HHIPL1: variants seen among roughly 807,000 people sequenced by gnomAD.
The protein encoded by HHIPL1 is HHIP like 1, also known as HHIP-like protein 1.
A neutral mutation model predicts 61.8 loss-of-function variants in HHIPL1; 43 were observed. The observed-to-expected ratio is 0.70, with a 90% CI of 0.55 to 0.90. HHIPL1 has a LOEUF of 0.90. Among genes scored for constraint, HHIPL1 ranks in the 40% least tolerant of loss-of-function variants. HHIPL1 has a pLI of 0.00. For synonymous variants in HHIPL1, 482 were observed against 515.8 expected (o/e 0.93, Z 0.89); for missense variants, 1,056 against 1,157.7 (o/e 0.91, Z 1.28).
intron 1 of HHIPL1, among the ~76,000 whole-genome samples, chr14:99,650,064 C>G (rs1221242739): frequency 6.6e-6 from 1 of 152,244 alleles, no homozygotes; most frequent in Non-Finnish European, 1.5e-5. Context: ...GACATTCTGC[C>G]AAGTGGCCCT....
upstream of HHIPL1, among the ~76,000 whole-genome samples, chr14:99,644,256 A>G (rs914953130): frequency 3.3e-5 from 5 of 152,170 alleles, no homozygotes; most frequent in Non-Finnish European, 7.3e-5. Flanking sequence ...AAGATGGAGT[A>G]GGAGCTCACT....
At chr14:99,637,181 AAAGAATGG>A in the HHIPL1 span, among the ~76,000 whole-genome samples, 419 of 129,358 alleles carry the variant, frequency 3.2e-3, 2 homozygotes, top group African/African-American at 4.3e-3. Flanking sequence ...AGAAAGAAAG[AAAGAATGG>A]AAGAAAGAAA....
At chr14:99,636,460 T>A in the HHIPL1 span, among the ~76,000 whole-genome samples, 9 of 152,316 alleles carry the variant, frequency 5.9e-5, no homozygotes, top group African/African-American at 2.2e-4. Context: ...TTTTTTTCCT[T>A]TTCCAAGTTT....
the HHIPL1 span, among the ~76,000 whole-genome samples, chr14:99,637,094 AGGAAGGAAAAAAGAAAG>A: frequency 3.4e-3 from 441 of 130,400 alleles, 30 homozygotes; most frequent in African/African-American, 0.013. Context: ...GAAAGAAAGA[AGGAAGGAAAAAAGAAAG>A]AAAGAAAGAA....
At chr14:99,618,719 C>T in the HHIPL1 span, among the ~76,000 whole-genome samples, 56 of 152,382 alleles carry the variant, frequency 3.7e-4, no homozygotes, top group African/African-American at 1.2e-3. Context: ...GGTGCCTCCT[C>T]TCCATGGGGC....
At chr14:99,624,419 G>A in the HHIPL1 span, among the ~76,000 whole-genome samples, 66 of 152,156 alleles carry the variant, frequency 4.3e-4, no homozygotes, top group Non-Finnish European at 7.4e-4. Context: ...TGAAGTCCAC[G>A]ACACAGGACC....
chr14:99,627,190 A>G, the HHIPL1 span, among the ~76,000 whole-genome samples: 2 of 128,766 alleles, frequency 1.6e-5, no homozygotes, highest in Non-Finnish European at 3.4e-5. The surrounding 1 kb of genome is among the most constrained non-coding windows in gnomAD (Gnocchi z 4.4). Flanking sequence ...CTACTCTTCT[A>G]TCTTCCCATC....
At chr14:99,647,936 G>A (rs28492995) in intron 1 of HHIPL1, among the ~76,000 whole-genome samples, 5,314 of 152,230 alleles carry the variant, frequency 0.035, 292 homozygotes, top group African/African-American at 0.12. Context: ...CTTCCACATC[G>A]CTAACCTCCC....
At chr14:99,670,957 T>C (rs2056320571) in intron 7 of HHIPL1, among the ~76,000 whole-genome samples, 1 of 152,168 alleles carries the variant, frequency 6.6e-6, no homozygotes, top group Non-Finnish European at 1.5e-5. Flanking sequence ...TCATCTTCGG[T>C]TTTTCCAATC....
chr14:99,662,727 A>G, intron 5 of HHIPL1, 149 bp from the exon 6 acceptor site: 2 of 705,940 alleles, frequency 2.8e-6, no homozygotes, highest in South Asian at 1.9e-5. Flanking sequence ...TCAGTGGGTG[A>G]GTGGATATGT....
chr14:99,674,875 G>T (rs1452019006), intron 8 of HHIPL1, among the ~76,000 whole-genome samples: 1 of 152,194 alleles, frequency 6.6e-6, no homozygotes, highest in East Asian at 1.9e-4. Flanking sequence ...TGGCCCCTGA[G>T]TCCAGGCCGG....
chr14:99,624,272 G>A, the HHIPL1 span, among the ~76,000 whole-genome samples: 3 of 152,154 alleles, frequency 2.0e-5, no homozygotes, highest in East Asian at 1.9e-4. Context: ...GGGGGCACTC[G>A]GGCCTGGGTT....
At chr14:99,626,038 G>A in the HHIPL1 span, among the ~76,000 whole-genome samples, 100 of 152,214 alleles carry the variant, frequency 6.6e-4, no homozygotes, top group African/African-American at 2.3e-3. Flanking sequence ...TTGCTACCCC[G>A]TCAGGTGGGT....
chr14:99,664,067 G>T (rs913455655), intron 6 of HHIPL1, among the ~76,000 whole-genome samples: 8 of 152,220 alleles, frequency 5.3e-5, no homozygotes, highest in Non-Finnish European at 1.0e-4. Context: ...AGTGGGAGGG[G>T]AGAGGAAGAG....
chr14:99,646,357 C>T lies in HHIPL1; in HGVS notation c.255+895C>T, dbSNP rs76628129. Among the ~76,000 whole-genome samples, 41 of 152,382 alleles carry T rather than the reference C, an allele frequency of 2.7e-4. 2 individuals carry two copies. In the East Asian group the frequency reaches 7.7e-3, roughly 29 times the overall value. ...GGGGCCAGGGCCGTGTCCCAGCCTTCGGCCAGCAGGGGCAGGTGGTGTGGG... is the reference window on the plus strand; with the variant it reads ...GGGGCCAGGGCCGTGTCCCAGCCTTTGGCCAGCAGGGGCAGGTGGTGTGGG... On this transcript the variant is annotated intron_variant, in intron 1 of 8. Coordinates refer to ENST00000330710, the MANE Select transcript of HHIPL1 (RefSeq NM_001127258.3).
At chr14:99,605,396 G>T in the HHIPL1 span, among the ~76,000 whole-genome samples, 48 of 146,726 alleles carry the variant, frequency 3.3e-4, 1 homozygote, top group African/African-American at 1.1e-3. Flanking sequence ...GCGGGGGGGG[G>T]TCCCTCCCCC....
chr14:99,609,797 AG>A, the HHIPL1 span, among the ~76,000 whole-genome samples: 1 of 152,220 alleles, frequency 6.6e-6, no homozygotes, highest in South Asian at 2.1e-4. Context: ...TGATGTTGCA[AG>A]GCAAGGGTGC....
chr14:99,627,917 G>A, the HHIPL1 span, among the ~76,000 whole-genome samples: 303 of 152,284 alleles, frequency 2.0e-3, no homozygotes, highest in African/African-American at 6.7e-3. This position sits in a 1 kb window ranked among gnomAD's most constrained non-coding sequence, Gnocchi z 4.4. Context: ...AAAGGCCCCC[G>A]AGGAGGAAGG....
At chr14:99,629,785 A>G in the HHIPL1 span, among the ~76,000 whole-genome samples, 3 of 152,194 alleles carry the variant, frequency 2.0e-5, no homozygotes, top group African/African-American at 7.2e-5. Context: ...TTACAGGCGT[A>G]AGCCACCGCG....
Sources: gnomAD v4.1 joint callset for allele counts (sites outside exome capture counted in the v4.1 genomes callset) on GRCh38, gnomAD v4.1.1 for gene constraint, Gnocchi (gnomAD v3.1) non-coding constraint, MANE v1.5 for transcripts, NCBI Gene and HGNC (gene_info 2026-07-23, HGNC 2026-07-21) for gene names.